Variants in VAC14 observed in about 807,000 individuals in gnomAD.
VAC14 encodes the protein protein VAC14 homolog.
VAC14 carries 47 observed loss-of-function variants against 85.3 expected under a neutral mutation model. The observed-to-expected ratio is 0.55, with a 90% CI of 0.44 to 0.70. VAC14 has a LOEUF of 0.70. Ranked by LOEUF, VAC14 falls within the 30% of genes least tolerant of loss-of-function variation. VAC14 has a pLI of 0.00. For missense variants in VAC14, 861 were observed against 1,004.3 expected, an observed-to-expected ratio of 0.86 and a Z score of 1.93; for synonymous variants, 447 against 430.5, an observed-to-expected ratio of 1.04 and a Z score of -0.47.
At chr16:70,782,556 C>T (rs1003665579) in intron 7 of VAC14, among the ~76,000 whole-genome samples, 3 of 152,246 alleles carry the variant, frequency 2.0e-5, no homozygotes, top group African/African-American at 7.2e-5. Flanking sequence ...ACCCCAGCAA[C>T]CCTACAGTTA....
chr16:70,756,663 A>C (rs764565768), intron 12 of VAC14, among the ~76,000 whole-genome samples: 1 of 152,144 alleles, frequency 6.6e-6, no homozygotes, highest in Admixed American at 6.5e-5. Context: ...GTTCTACCCC[A>C]TGGGTCAGGC....
chr16:70,689,674 G>C, intron 18 of VAC14: 1 of 985,594 alleles, frequency 1.0e-6, no homozygotes, highest in Non-Finnish European at 1.2e-6. Context: ...TGCTTTTCTG[G>C]GCCTGGCGCT....
rs118121935 is a variant in VAC14, at chr16:70,765,390, A to G, written c.1161-2365T>C. On this transcript the variant is annotated intron_variant, in intron 10 of 18. Coordinates refer to ENST00000261776, the MANE Select transcript of VAC14 (RefSeq NM_018052.5). Reference sequence around the variant, plus strand: ...TGGGGCAGGATCAGTGGTGTGTCTGAGCCCCTGGGGGGAATAACAGCTCTG... The same window carrying G: ...TGGGGCAGGATCAGTGGTGTGTCTGGGCCCCTGGGGGGAATAACAGCTCTG... 5.4e-3 allele frequency among the ~76,000 whole-genome samples: 826 copies of G among 152,224 alleles called. 1 individual carries two copies. Among genetic ancestry groups the G allele is most frequent in the Non-Finnish European group, 9.1e-3 (621 of 67,996 alleles).
chr16:70,764,942 G>A (rs745730527), intron 10 of VAC14, among the ~76,000 whole-genome samples: 1 of 152,040 alleles, frequency 6.6e-6, no homozygotes. Context: ...TCTTTTTCCC[G>A]TCCTGCAGAG....
At chr16:70,760,045 T>C (rs1445493532) in intron 12 of VAC14, among the ~76,000 whole-genome samples, 1 of 152,166 alleles carries the variant, frequency 6.6e-6, no homozygotes, top group Non-Finnish European at 1.5e-5. Context: ...GCGCGATTCC[T>C]CCCATGGTAA....
intron 18 of VAC14, 125 bp downstream of exon 18, chr16:70,692,695 CA>C: frequency 7.4e-7 from 1 of 1,349,168 alleles, no homozygotes; most frequent in Non-Finnish European, 1.0e-6. Flanking sequence ...GTCACAGTGA[CA>C]AAAGGGGTGG....
At chr16:70,763,202 C>T (rs2032548301) in intron 10 of VAC14, among the ~76,000 whole-genome samples, 177 bp from the exon 11 acceptor site, 1 of 152,202 alleles carries the variant, frequency 6.6e-6, no homozygotes, top group Non-Finnish European at 1.5e-5. Flanking sequence ...CTCCCACCAT[C>T]CCAGCTCAGC....
intron 14 of VAC14, among the ~76,000 whole-genome samples, chr16:70,725,880 G>A (rs1357274980): frequency 1.3e-5 from 2 of 152,200 alleles, no homozygotes; most frequent in Admixed American, 1.3e-4. Context: ...TCAGGCCCTG[G>A]CATTCACCGC....
intron 12 of VAC14, among the ~76,000 whole-genome samples, chr16:70,746,487 G>A (rs574632337): frequency 2.4e-4 from 36 of 152,226 alleles, no homozygotes; most frequent in Non-Finnish European, 4.1e-4. Flanking sequence ...GGCACACAGA[G>A]TGGAGAGCTG....
At chr16:70,756,663 A>G (rs764565768) in intron 12 of VAC14, among the ~76,000 whole-genome samples, 1 of 152,144 alleles carries the variant, frequency 6.6e-6, no homozygotes, top group Non-Finnish European at 1.5e-5. Flanking sequence ...GTTCTACCCC[A>G]TGGGTCAGGC....
At chr16:70,692,138 C>T in intron 18 of VAC14, 1 of 973,804 alleles carries the variant, frequency 1.0e-6, no homozygotes, top group African/African-American at 1.8e-5. Flanking sequence ...TGCAGCCCTA[C>T]AGGCTCTGGG....
At chr16:70,701,444 A>C (rs1446086621) in intron 14 of VAC14, among the ~76,000 whole-genome samples, 2 of 152,140 alleles carry the variant, frequency 1.3e-5, no homozygotes, top group Non-Finnish European at 2.9e-5. Context: ...ACCACGAGTC[A>C]TCCTGACCCC....
intron 13 of VAC14, among the ~76,000 whole-genome samples, chr16:70,741,521 C>G (rs1415161615): frequency 6.6e-6 from 1 of 152,222 alleles, no homozygotes; most frequent in African/African-American, 2.4e-5. Flanking sequence ...TGTGCACACA[C>G]ATGGATCTGC....
intron 13 of VAC14, among the ~76,000 whole-genome samples, chr16:70,733,492 C>T (rs2054655524): frequency 6.6e-6 from 1 of 151,578 alleles, no homozygotes; most frequent in South Asian, 2.1e-4. Context: ...AATTTAATTG[C>T]TAGTGTTGGA....
chr16:70,745,531 G>A (rs1417126579), intron 12 of VAC14, among the ~76,000 whole-genome samples: 5 of 151,046 alleles, frequency 3.3e-5, no homozygotes, highest in South Asian at 2.1e-4. Context: ...GCGTGTGCGC[G>A]CGTGTGCCTG....
chr16:70,691,419 C>A, intron 18 of VAC14: 1 of 985,478 alleles, frequency 1.0e-6, no homozygotes, highest in African/African-American at 1.7e-5. Flanking sequence ...CGTTGAAGGG[C>A]CAAGGCAAAG....
rs985449440 is a variant in VAC14 at position 70,785,711 on chromosome 16, C to G, written c.414G>C (p.Gly138=). 1 of 1,559,402 alleles carries G rather than the reference C, an allele frequency of 6.4e-7. No homozygotes were observed. The highest frequency in any genetic ancestry group is 1.4e-5 in the African/African-American group (1 of 73,920). Residue 138 remains glycine, a synonymous_variant, in exon 3 of 19, where the codon GGG becomes GGC. Coordinates refer to ENST00000261776, the MANE Select transcript of VAC14 (RefSeq NM_018052.5). ...GGAGGAGGGCGGTTACCTTGCTCAGCCCGTCAAAGAGCACGTTGAAGTGGG... is the reference window on the plus strand; with the variant it reads ...GGAGGAGGGCGGTTACCTTGCTCAGGCCGTCAAAGAGCACGTTGAAGTGGG... ...VLPHFNVLFD[G]LSKLAADPDP...
chr16:70,746,189 C>T (rs6499335), intron 12 of VAC14, among the ~76,000 whole-genome samples: 27,971 of 152,126 alleles, frequency 0.18, 3,307 homozygotes, highest in African/African-American at 0.34. Flanking sequence ...CAGCCCTGGC[C>T]GGGAACCCCT....
intron 15 of VAC14, among the ~76,000 whole-genome samples, 172 bp from the exon 16 acceptor site, chr16:70,697,429 C>T (rs918313133): frequency 3.9e-5 from 6 of 152,250 alleles, no homozygotes; most frequent in African/African-American, 1.2e-4. Flanking sequence ...AAAGGAAATG[C>T]TGACAGCTCC....
Sources: gnomAD v4.1 joint callset for allele counts (sites outside exome capture counted in the v4.1 genomes callset) on GRCh38, gnomAD v4.1.1 for gene constraint, MANE v1.5 for transcripts, NCBI Gene and HGNC (gene_info 2026-07-23, HGNC 2026-07-21) for gene names.